SLC6A6: variants seen among roughly 807,000 people sequenced by gnomAD.
SLC6A6 encodes the protein solute carrier family 6 member 6.
Under a neutral mutation model 68.8 loss-of-function variants are expected in SLC6A6, and 16 were observed. That is an observed-to-expected ratio of 0.23 (90% confidence interval 0.16 to 0.35). The LOEUF (loss-of-function observed/expected upper bound fraction) is 0.35, where lower values mean the gene tolerates loss of function less well. Ranked by LOEUF, SLC6A6 falls within the 10% of genes least tolerant of loss-of-function variation. The pLI, the probability that SLC6A6 is intolerant of heterozygous loss-of-function variation, is 1.00. For synonymous variants in SLC6A6, 312 were observed against 315.4 expected (o/e 0.99, Z 0.12); for missense variants, 474 against 802.8 (o/e 0.59, Z 4.95).
intron 1 of SLC6A6, among the ~76,000 whole-genome samples, chr3:14,414,285 A>G: frequency 6.6e-6 from 1 of 152,174 alleles, no homozygotes; most frequent in Non-Finnish European, 1.5e-5. Flanking sequence ...AGTCCTAGTC[A>G]TCACTGTTTT....
At chr3:14,407,428 G>C (rs2124891903) in intron 1 of SLC6A6, among the ~76,000 whole-genome samples, 1 of 152,022 alleles carries the variant, frequency 6.6e-6, no homozygotes, top group East Asian at 1.9e-4. Flanking sequence ...CCCAAATCAA[G>C]ATATAGAACA....
intron 6 of SLC6A6, among the ~76,000 whole-genome samples, chr3:14,464,680 G>A (rs1700575550): frequency 6.6e-6 from 1 of 152,194 alleles, no homozygotes; most frequent in Non-Finnish European, 1.5e-5. Context: ...GTCACTATTG[G>A]TCAGTGTCTG....
At position 14,435,749 on chromosome 3, in the gene SLC6A6, G is replaced by C. The variant is rs545804978; in HGVS notation, c.-11-7875G>C. Reference sequence around the variant, plus strand: ...TCTGGCCCCCTCTGTGTTTGTGTTTGACCCAGGTGGTGGTTTAGAAACTGA... The same window carrying C: ...TCTGGCCCCCTCTGTGTTTGTGTTTCACCCAGGTGGTGGTTTAGAAACTGA... On this transcript the variant is annotated intron_variant, in intron 2 of 14. Coordinates refer to ENST00000622186, the MANE Select transcript of SLC6A6 (RefSeq NM_003043.6). Among the ~76,000 whole-genome samples the C allele has an allele frequency of 2.6e-5, 4 of 152,350 alleles. 1 individual carries two copies. In the South Asian group the frequency reaches 8.3e-4, roughly 32 times the overall value.
In SLC6A6 at chr3:14,468,261, TA is replaced by T; in HGVS notation, c.1096+51del. 1 of 1,573,846 alleles carries T rather than the reference TA, an allele frequency of 6.4e-7. No individual in the cohort carries two copies. Among genetic ancestry groups the T allele is most frequent in the Non-Finnish European group, 8.6e-7 (1 of 1,156,382 alleles). Reference sequence around the variant, plus strand: ...GTGGTGGGCACTGCCACCTAGTGTGTAAGCCAAGTACTGCAGGCATGAAGCC... The same window carrying T: ...GTGGTGGGCACTGCCACCTAGTGTGTAGCCAAGTACTGCAGGCATGAAGCC... On this transcript the variant is annotated intron_variant, in intron 9 of 14. Coordinates refer to ENST00000622186, the MANE Select transcript of SLC6A6 (RefSeq NM_003043.6). The surrounding 1 kb of genome is among the most constrained non-coding windows in gnomAD (Gnocchi z 4.5).
At chr3:14,429,052 G>A (rs1282367962) in intron 2 of SLC6A6, among the ~76,000 whole-genome samples, 1 of 152,146 alleles carries the variant, frequency 6.6e-6, no homozygotes, top group Admixed American at 6.5e-5. Flanking sequence ...CTACCCCCAG[G>A]AATCGGGGTT....
chr3:14,468,342 C>T lies in SLC6A6; in HGVS notation c.1096+130C>T, dbSNP rs963213545. The T allele has an allele frequency of 5.4e-6, 4 of 735,538 alleles. No individual in the cohort carries two copies. The highest frequency in any genetic ancestry group is 8.4e-6 in the Non-Finnish European group (4 of 477,822). 45.6% of individuals were successfully genotyped at this position (735,538 alleles called of 1,614,324 possible). A position where few individuals can be genotyped will look rare whatever the true frequency, so the allele number is the denominator to read the frequency against. ...GCCTGGTTTCTAAAATGGACCCCCC[C>T]CCCGCCACCAAGATATCCCCCAAAT... is the stretch of plus-strand genomic sequence containing the variant. On this transcript the variant is annotated intron_variant, in intron 9 of 14. Transcript: ENST00000622186. The surrounding 1 kb of genome is among the most constrained non-coding windows in gnomAD (Gnocchi z 4.5).
chr3:14,450,465 T>TG lies in SLC6A6; in HGVS notation c.599+2651dup, dbSNP rs1700229256. Among the ~76,000 whole-genome samples, 1 of 152,232 alleles carries TG rather than the reference T, an allele frequency of 6.6e-6. No individual in the cohort carries two copies. Among genetic ancestry groups the TG allele is most frequent in the African/African-American group, 2.4e-5 (1 of 41,454 alleles). ...TGGATTTGCTCTGTCCAAAGAACCC[T>TG]GGCTGCCAGCTTGGTACTCACCTCC... On this transcript the variant is annotated intron_variant, in intron 5 of 14. Coordinates refer to ENST00000622186, the MANE Select transcript of SLC6A6 (RefSeq NM_003043.6). The surrounding 1 kb of genome is among the most constrained non-coding windows in gnomAD (Gnocchi z 4.1).
chr3:14,422,738 T>A (rs1559288139), intron 2 of SLC6A6, among the ~76,000 whole-genome samples: 1 of 152,182 alleles, frequency 6.6e-6, no homozygotes, highest in South Asian at 2.1e-4. Flanking sequence ...ATCCCTACCC[T>A]CACTCCTCTT....
chr3:14,472,714 G>A lies in SLC6A6; in HGVS notation c.1209+397G>A, dbSNP rs1206943474. ...TGTGCTCCAGTGGAGCGTCGGCGGGGCACAGGAGGACATGGCAGATGGGCG... is the reference window on the plus strand; with the variant it reads ...TGTGCTCCAGTGGAGCGTCGGCGGGACACAGGAGGACATGGCAGATGGGCG... On this transcript the variant is annotated intron_variant, in intron 10 of 14. Transcript: ENST00000622186. The surrounding 1 kb of genome is among the most constrained non-coding windows in gnomAD (Gnocchi z 4.5). Among the ~76,000 whole-genome samples, 2 of 152,166 alleles carry A rather than the reference G, an allele frequency of 1.3e-5. No homozygotes were observed. Among genetic ancestry groups the A allele is most frequent in the Admixed American group, 6.5e-5 (1 of 15,282 alleles).
intron 10 of SLC6A6, among the ~76,000 whole-genome samples, chr3:14,473,002 C>T (rs1700788891): frequency 1.3e-5 from 2 of 152,222 alleles, no homozygotes; most frequent in South Asian, 2.1e-4. Context: ...TTCTTTCCTG[C>T]ACTTCTAAAC....
intron 2 of SLC6A6, among the ~76,000 whole-genome samples, chr3:14,421,950 T>C (rs4685158): frequency 0.64 from 96,655 of 151,994 alleles, 33,316 homozygotes; most frequent in East Asian, 0.96. Context: ...GTGCATCTTC[T>C]CGTCTCGGCT....
chr3:14,479,758 G>A (rs551611185), intron 13 of SLC6A6, among the ~76,000 whole-genome samples: 4 of 152,280 alleles, frequency 2.6e-5, no homozygotes, highest in South Asian at 2.1e-4. Context: ...GGATGCTCTC[G>A]CCCACCATGT....
chr3:14,404,256 A>G (rs1216098761), intron 1 of SLC6A6, among the ~76,000 whole-genome samples: 1 of 151,872 alleles, frequency 6.6e-6, no homozygotes, highest in Non-Finnish European at 1.5e-5. Flanking sequence ...TTTTTATGAG[A>G]GAGAGAGCGG....
Position 14,472,146 on chromosome 3 carries a change from G to A in SLC6A6, c.1097-59G>A. 9.7e-7 allele frequency: 1 copy of A among 1,034,200 alleles called. No individual in the cohort carries two copies. The highest frequency in any genetic ancestry group is 1.5e-6 in the Non-Finnish European group (1 of 658,614). The allele number at this position is 1,034,200 out of a possible 1,614,324, so 64.1% of individuals were successfully genotyped here. On this transcript the variant is annotated intron_variant, in intron 9 of 14. Coordinates refer to ENST00000622186, the MANE Select transcript of SLC6A6 (RefSeq NM_003043.6). This position sits in a 1 kb window ranked among gnomAD's most constrained non-coding sequence, Gnocchi z 4.5. ...TCTTTGTGTGAGCCCAGGGTTCCCAGTGGCTTGGTGGCTGATGTCTCCTCC... is the reference window on the plus strand; with the variant it reads ...TCTTTGTGTGAGCCCAGGGTTCCCAATGGCTTGGTGGCTGATGTCTCCTCC...
intron 2 of SLC6A6, among the ~76,000 whole-genome samples, chr3:14,429,661 A>G (rs1360789140): frequency 6.6e-6 from 1 of 152,254 alleles, no homozygotes; most frequent in Non-Finnish European, 1.5e-5. Flanking sequence ...CTGGTTAAAC[A>G]GGACAGATTC....
chr3:14,474,280 C>A lies in SLC6A6; in HGVS notation c.1209+1963C>A, dbSNP rs899204827. On this transcript the variant is annotated intron_variant, in intron 10 of 14. Transcript: ENST00000622186. The stretch of plus-strand genomic sequence containing the variant: ...GCCAGCAGTGTGCCTCACCCACTGC[C>A]AGCACTGTGACAGGATCAGAGCCCT... Among the ~76,000 whole-genome samples, 4 of 152,114 alleles carry A rather than the reference C, an allele frequency of 2.6e-5. No individual in the cohort carries two copies. The East Asian group carries it at 7.7e-4, about 29-fold the overall frequency.
chr3:14,423,767 A>G (rs560288630), intron 2 of SLC6A6, among the ~76,000 whole-genome samples: 10 of 152,344 alleles, frequency 6.6e-5, no homozygotes, highest in African/African-American at 2.4e-4. Flanking sequence ...GCATCTTGGT[A>G]TTTTGAAAAT....
At chr3:14,452,599 G>A (rs562779510) in intron 5 of SLC6A6, among the ~76,000 whole-genome samples, 11 of 152,226 alleles carry the variant, frequency 7.2e-5, no homozygotes, top group East Asian at 3.9e-4. Flanking sequence ...GTGTCTCCCC[G>A]CTCCCAGGTT....
rs1701223577 is a variant in SLC6A6, at chr3:14,488,129, A to G, written c.*3122A>G. On this transcript the variant is annotated 3_prime_UTR_variant, in exon 15 of 15. Coordinates refer to ENST00000622186, the MANE Select transcript of SLC6A6 (RefSeq NM_003043.6). ...TGTGAAAGAGGGAACTGAGGTGCAGAGAAGCCAGAGGTGTGCCAGATCCTT... is the reference window on the plus strand; with the variant it reads ...TGTGAAAGAGGGAACTGAGGTGCAGGGAAGCCAGAGGTGTGCCAGATCCTT... The G allele has an allele frequency of 6.5e-6, 1 of 152,754 alleles. No individual in the cohort carries two copies. The highest frequency in any genetic ancestry group is 1.5e-5 in the Non-Finnish European group (1 of 68,156). The allele number at this position is 152,754 out of a possible 1,614,324, so 9.5% of individuals were successfully genotyped here.
Sources: gnomAD v4.1 joint callset for allele counts (sites outside exome capture counted in the v4.1 genomes callset) on GRCh38, gnomAD v4.1.1 for gene constraint, Gnocchi (gnomAD v3.1) non-coding constraint, MANE v1.5 for transcripts, NCBI Gene and HGNC (gene_info 2026-07-23, HGNC 2026-07-21) for gene names.